DNAH17: variants seen among roughly 807,000 people sequenced by gnomAD.
The protein encoded by DNAH17 is dynein axonemal heavy chain 17.
A neutral mutation model predicts 485.6 loss-of-function variants in DNAH17; 376 were observed. The ratio of observed to expected loss-of-function variants is 0.77; its 90% CI spans 0.71 to 0.84. The LOEUF is 0.84. Ranked by LOEUF, DNAH17 falls within the 40% of genes least tolerant of loss-of-function variation. DNAH17 has a pLI of 0.00. For synonymous variants in DNAH17, 3,031 were observed against 2,405.9 expected (o/e 1.26, Z -7.60); for missense variants, 6,370 against 5,839.3 (o/e 1.09, Z -2.96).
In DNAH17 at chr17:78,467,605, G is replaced by A. The variant is rs116968060; in HGVS notation, c.8779-789C>T. Among the ~76,000 whole-genome samples, 124 of 152,236 alleles carry A rather than the reference G, an allele frequency of 8.1e-4. 1 individual carries two copies. In the East Asian group the frequency reaches 0.021, roughly 26 times the overall value. ...AGTCAAGCAGGGGAAAACGATGGCC[G>A]GCAGGTGTCCAGGAGAGCTATGGGA... is the stretch of plus-strand genomic sequence containing the variant. On this transcript the variant is annotated intron_variant, in intron 55 of 80. Coordinates refer to ENST00000389840, the MANE Select transcript of DNAH17 (RefSeq NM_173628.4).
At chr17:78,425,075 C>T (rs1598428060) in intron 80 of DNAH17, 1 of 359,612 alleles carries the variant, frequency 2.8e-6, no homozygotes, top group African/African-American at 2.1e-5. Context: ...GCTGCTCTCT[C>T]ACAAGCTCTG....
At chr17:78,529,770 A>AG in intron 21 of DNAH17, 76 bp from the exon 22 acceptor site, 1 of 1,484,346 alleles carries the variant, frequency 6.7e-7, no homozygotes, top group Non-Finnish European at 9.2e-7. Context: ...GCCCCATGAG[A>AG]GGGGGACGAC....
At chr17:78,438,461 A>AGGAGGAGGAGGGAGGAGGGAGGAGGG (rs2086940538) in intron 73 of DNAH17, among the ~76,000 whole-genome samples, 1 of 71,172 alleles carries the variant, frequency 1.4e-5, no homozygotes, top group Non-Finnish European at 2.9e-5. Flanking sequence ...AGGGAGGAGG[A>AGGAGGAGGAGGGAGGAGGGAGGAGGG]GGAGGAGATG....
chr17:78,492,527 C>T (rs1044514302), intron 42 of DNAH17, 106 bp downstream of exon 42: 2 of 1,503,254 alleles, frequency 1.3e-6, no homozygotes, highest in East Asian at 2.4e-5. Flanking sequence ...GTGTGCCCCA[C>T]CCTAGCCTGG....
Position 78,527,668 on chromosome 17 carries a change from C to G in DNAH17, c.3508-672G>C, listed in dbSNP as rs115732171. ...TGCCCCTGGGGACCGCTAAGCTCTT[C>G]TCCAGCTCTATAATGTTGTCATTTC... On this transcript the variant is annotated intron_variant, in intron 22 of 80. Transcript: ENST00000389840. Among the ~76,000 whole-genome samples the G allele has an allele frequency of 5.0e-3, 754 of 152,306 alleles. 6 individuals are homozygous for G. Among genetic ancestry groups the G allele is most frequent in the African/African-American group, 0.018 (728 of 41,564 alleles).
rs1052013950 is a variant in DNAH17 at position 78,466,604 on chromosome 17, T to A, written c.8940+51A>T. On this transcript the variant is annotated intron_variant, in intron 56 of 80. Transcript: ENST00000389840. The stretch of plus-strand genomic sequence containing the variant: ...CCCAGGGAGCCAGCCCTTGGGCCTG[T>A]CCTTGTCCTCTGGGCTCTACACTCA... The A allele has an allele frequency of 1.3e-5, 20 of 1,539,668 alleles. No homozygotes were observed. In the South Asian group the frequency reaches 2.4e-4, roughly 18 times the overall value.
At chr17:78,551,478 C>T in intron 16 of DNAH17, 57 bp downstream of exon 16, 1 of 1,559,472 alleles carries the variant, frequency 6.4e-7, no homozygotes. Flanking sequence ...CCTGGTTTGC[C>T]CCAGGGCAGC....
intron 44 of DNAH17, 33 bp downstream of exon 44, chr17:78,490,666 G>C (rs766489383): frequency 6.3e-7 from 1 of 1,583,776 alleles, no homozygotes; most frequent in South Asian, 1.1e-5. Flanking sequence ...TCCCTGCCGA[G>C]GTTTGGAACA....
chr17:78,490,937 C>T, intron 43 of DNAH17, 90 bp from the exon 44 acceptor site: 1 of 1,434,466 alleles, frequency 7.0e-7, no homozygotes, highest in Non-Finnish European at 9.2e-7. Context: ...GAGCAAACCT[C>T]CGAGCAAGGA....
rs374923749 is a variant in DNAH17 at position 78,466,656 on chromosome 17, G to T, written c.8939C>A (p.Pro2980Gln). Residue 2980 changes from proline (P) to glutamine (Q), a missense_variant and splice_region_variant, in exon 56 of 81, where the codon CCG (proline) becomes CAG (glutamine). Coordinates refer to ENST00000389840, the MANE Select transcript of DNAH17 (RefSeq NM_173628.4). ...GCAGAGGTGGCCTCAGTGACTCACC[G>T]GAATCCCCTCAGTCTCCTCCAGGAA... ...ARFLEETEGIPWEVKASISFF... is the reference protein window; with the variant it reads ...ARFLEETEGIQWEVKASISFF... 138 of 1,606,234 alleles carry T rather than the reference G, an allele frequency of 8.6e-5. No individual in the cohort carries two copies. The African/African-American group carries it at 1.7e-3, about 20-fold the overall frequency.
At chr17:78,566,799 C>T (rs906553033) in intron 10 of DNAH17, 69 bp from the exon 11 acceptor site, 2 of 1,370,098 alleles carry the variant, frequency 1.5e-6, no homozygotes, top group African/African-American at 1.4e-5. Context: ...CCTCTCCAGC[C>T]CCTGCCCTGC....
At chr17:78,544,233 C>T (rs1336156436) in intron 16 of DNAH17, among the ~76,000 whole-genome samples, 2 of 152,256 alleles carry the variant, frequency 1.3e-5, no homozygotes, top group Admixed American at 1.3e-4. Flanking sequence ...CTAGGGGAAC[C>T]ACAGAAAGAC....
chr17:78,463,124 A>C, intron 56 of DNAH17, 47 bp from the exon 57 acceptor site: 4 of 1,579,310 alleles, frequency 2.5e-6, no homozygotes, highest in Non-Finnish European at 3.5e-6. Context: ...CATCCTGCAA[A>C]TCAGCAAAGT....
intron 50 of DNAH17, 50 bp from the exon 51 acceptor site, chr17:78,479,166 A>T (rs763646700): frequency 2.5e-6 from 4 of 1,570,418 alleles, no homozygotes; most frequent in Non-Finnish European, 3.5e-6. Context: ...TGATGGCCCC[A>T]GGAAGTGCAA....
intron 56 of DNAH17, among the ~76,000 whole-genome samples, chr17:78,466,094 T>A (rs1431584913): frequency 6.6e-6 from 1 of 151,346 alleles, no homozygotes; most frequent in Non-Finnish European, 1.5e-5. Context: ...TAAGAAAACT[T>A]CTTCTGCCTT....
chr17:78,498,273 C>G (rs1462803700), intron 37 of DNAH17, among the ~76,000 whole-genome samples: 3 of 152,222 alleles, frequency 2.0e-5, no homozygotes, highest in African/African-American at 7.2e-5. Context: ...TGCTCCTGGT[C>G]TATCCTGTGG....
intron 80 of DNAH17, 135 bp from the exon 81 acceptor site, chr17:78,424,288 C>A (rs990803232): frequency 1.7e-6 from 2 of 1,175,174 alleles, no homozygotes; most frequent in East Asian, 5.1e-5. Context: ...AGGCCAGCTG[C>A]CACGGCTGGA....
At chr17:78,510,331 G>T in intron 27 of DNAH17, 53 bp downstream of exon 27, 1 of 1,591,988 alleles carries the variant, frequency 6.3e-7, no homozygotes, top group South Asian at 1.1e-5. Context: ...GTTGGAGGGG[G>T]CAGTTTCAGG....
At chr17:78,498,558 C>T (rs539411266) in intron 37 of DNAH17, among the ~76,000 whole-genome samples, 34 of 152,328 alleles carry the variant, frequency 2.2e-4, no homozygotes, top group South Asian at 4.1e-4. Flanking sequence ...CCCAGGTCGC[C>T]CCAGCCACTC....
Sources: gnomAD v4.1 joint callset for allele counts (sites outside exome capture counted in the v4.1 genomes callset) on GRCh38, gnomAD v4.1.1 for gene constraint, MANE v1.5 for transcripts, NCBI Gene and HGNC (gene_info 2026-07-23, HGNC 2026-07-21) for gene names.